SPTBN4: variants seen among roughly 807,000 people sequenced by gnomAD.
The protein encoded by SPTBN4 is spectrin beta, non-erythrocytic 4.
A neutral mutation model predicts 277.8 loss-of-function variants in SPTBN4; 96 were observed. The ratio of observed to expected loss-of-function variants is 0.35; its 90% CI spans 0.29 to 0.41. The LOEUF (loss-of-function observed/expected upper bound fraction) is 0.41. Ranked by LOEUF, SPTBN4 falls within the 10% of genes least tolerant of loss-of-function variation. The pLI is 1.00. For synonymous variants in SPTBN4, 1,481 were observed against 1,580.3 expected, an observed-to-expected ratio of 0.94 and a Z score of 1.49; for missense variants, 3,006 against 3,595.7, an observed-to-expected ratio of 0.84 and a Z score of 4.19.
At chr19:40,477,853 T>C (rs1354202200) in intron 2 of SPTBN4, among the ~76,000 whole-genome samples, 2 of 152,124 alleles carry the variant, frequency 1.3e-5, no homozygotes, top group African/African-American at 2.4e-5. Flanking sequence ...ATCCTTTTTT[T>C]TTGAGACGGA....
At chr19:40,486,282 C>A (rs963089767) in intron 2 of SPTBN4, among the ~76,000 whole-genome samples, 3 of 152,058 alleles carry the variant, frequency 2.0e-5, no homozygotes, top group Non-Finnish European at 4.4e-5. Context: ...CGTAGTGAGA[C>A]CCCCGTCTCA....
intron 20 of SPTBN4, among the ~76,000 whole-genome samples, chr19:40,546,049 CAAA>C (rs35750238): frequency 2.3e-4 from 21 of 91,752 alleles, no homozygotes; most frequent in African/African-American, 4.8e-4. Context: ...GACTCTGCCT[CAAA>C]AAAAAAAAAA....
chr19:40,570,099 A>T lies in SPTBN4; in HGVS notation c.7027-337A>T, dbSNP rs2081139712. Among the ~76,000 whole-genome samples, 6 of 151,108 alleles carry T rather than the reference A, an allele frequency of 4.0e-5. No homozygotes were observed. The South Asian group carries it at 1.3e-3, about 32-fold the overall frequency. ...TTTCTTCAGCTCAGTGGGGTCCCAA[A>T]TTTCTTCATAGCCTCATACACACAC... is the stretch of plus-strand genomic sequence containing the variant. On this transcript the variant is annotated intron_variant, in intron 32 of 35. Coordinates refer to ENST00000598249, the MANE Select transcript of SPTBN4 (RefSeq NM_020971.3).
chr19:40,563,216 A>G (rs1313934555), intron 27 of SPTBN4, among the ~76,000 whole-genome samples: 3 of 151,966 alleles, frequency 2.0e-5, no homozygotes, highest in Non-Finnish European at 4.4e-5. Flanking sequence ...TGTCTTAAAA[A>G]AAAATTTTTT....
intron 18 of SPTBN4, among the ~76,000 whole-genome samples, chr19:40,529,906 C>G (rs2080642749): frequency 1.3e-5 from 2 of 152,130 alleles, no homozygotes; most frequent in African/African-American, 4.8e-5. Context: ...CCCTAAACCC[C>G]TCAGCCTCAA....
chr19:40,494,856 T>C, intron 5 of SPTBN4, 41 bp from the exon 6 acceptor site: 1 of 1,584,914 alleles, frequency 6.3e-7, no homozygotes, highest in Non-Finnish European at 8.7e-7. Context: ...CCCTCCTAAC[T>C]CTCCCCATCT....
intron 17 of SPTBN4, among the ~76,000 whole-genome samples, chr19:40,525,029 GCT>G (rs1368002326): frequency 1.3e-5 from 2 of 151,934 alleles, no homozygotes; most frequent in African/African-American, 4.8e-5. Context: ...CTCCTCTCAG[GCT>G]CTCTGGCTCT....
chr19:40,519,345 T>A lies in SPTBN4; in HGVS notation c.2904-56T>A. 2 of 1,417,000 alleles carry A rather than the reference T, an allele frequency of 1.4e-6. No individual in the cohort carries two copies. The highest frequency in any genetic ancestry group is 1.8e-6 in the Non-Finnish European group (2 of 1,086,286). 87.8% of individuals were successfully genotyped at this position (1,417,000 alleles called of 1,614,324 possible). A position where few individuals can be genotyped will look rare whatever the true frequency, so the allele number is the denominator to read the frequency against. On this transcript the variant is annotated intron_variant, in intron 15 of 35. Transcript: ENST00000598249. The surrounding 1 kb of genome is among the most constrained non-coding windows in gnomAD (Gnocchi z 5.7). ...GATTCTACCCTGGGTCGGCGGGCCC[T>A]CCGCGCCCAAGAGGAGTCCCTGTCC...
chr19:40,483,949 G>A (rs1171138941), intron 2 of SPTBN4, among the ~76,000 whole-genome samples: 1 of 152,084 alleles, frequency 6.6e-6, no homozygotes, highest in Non-Finnish European at 1.5e-5. Context: ...TGGATTCTGG[G>A]GGATCATCGC....
At chr19:40,571,079 G>A (rs2081152446) in intron 33 of SPTBN4, 2 of 234,422 alleles carry the variant, frequency 8.5e-6, no homozygotes, top group Admixed American at 1.1e-4. Context: ...GGAACAGAAG[G>A]AAAATGTTCT....
chr19:40,546,492 G>A (rs549129036), intron 20 of SPTBN4, among the ~76,000 whole-genome samples: 1 of 152,208 alleles, frequency 6.6e-6, no homozygotes, highest in East Asian at 1.9e-4. Flanking sequence ...ATAGCAGTGA[G>A]TGTGACACAG....
In SPTBN4 at chr19:40,478,535, A is replaced by G. The variant is rs186219824; in HGVS notation, c.169+5745A>G. Among the ~76,000 whole-genome samples, 10 of 152,094 alleles carry G rather than the reference A, an allele frequency of 6.6e-5. No individual in the cohort carries two copies. The East Asian group carries it at 1.7e-3, about 26-fold the overall frequency. On this transcript the variant is annotated intron_variant, in intron 2 of 35. Transcript: ENST00000598249. ...GGGCAACAGAGTGAGATCCCACCTT[A>G]AGAAATTTTATTTTATTTTATTTTT...
Position 40,497,531 on chromosome 19 carries a change from C to G in SPTBN4, c.711C>G (p.Ala237=), listed in dbSNP as rs1488914854. 1.4e-5 allele frequency: 22 copies of G among 1,614,182 alleles called. No individual in the cohort carries two copies. Among genetic ancestry groups the G allele is most frequent in the Non-Finnish European group, 1.9e-5 (22 of 1,180,048 alleles). Residue 237 remains alanine (A), a synonymous_variant, in exon 7 of 36, where the codon GCC becomes GCG. Coordinates refer to ENST00000598249, the MANE Select transcript of SPTBN4 (RefSeq NM_020971.3). ...VDFSKLTKSN[A]NYNLQRAFRT... ...TCAGCAAACTCACCAAGTCCAATGC[C>G]AACTACAACCTGCAGAGAGCCTTCC...
chr19:40,559,572 C>T (rs777421925), intron 26 of SPTBN4, among the ~76,000 whole-genome samples: 16 of 152,066 alleles, frequency 1.1e-4, no homozygotes, highest in African/African-American at 2.9e-4. Context: ...CACTTGAGCC[C>T]GGGATGTCAA....
At chr19:40,487,639 G>T (rs957215609) in intron 2 of SPTBN4, 58 bp from the exon 3 acceptor site, 4 of 1,536,764 alleles carry the variant, frequency 2.6e-6, no homozygotes, top group African/African-American at 1.4e-5. Flanking sequence ...GGCTTGGCTC[G>T]CGGAGGGCTG....
chr19:40,554,486 C>T lies in SPTBN4; in HGVS notation c.4954-30C>T. 2.0e-6 allele frequency: 3 copies of T among 1,484,674 alleles called. No homozygotes were observed. The highest frequency in any genetic ancestry group is 2.7e-5 in the South Asian group (2 of 73,800). 92.0% of individuals were successfully genotyped at this position (1,484,674 alleles called of 1,614,324 possible). A position where few individuals can be genotyped will look rare whatever the true frequency, so the allele number is the denominator to read the frequency against. On this transcript the variant is annotated intron_variant, in intron 23 of 35. Transcript: ENST00000598249. The surrounding 1 kb of genome is among the most constrained non-coding windows in gnomAD (Gnocchi z 5.7). Reference sequence around the variant, plus strand: ...CGCTGGAGCCGGGGGCCGCCGCTGCCGCCTCATCGTGGGCGCTTTGTGCCC... The same window carrying T: ...CGCTGGAGCCGGGGGCCGCCGCTGCTGCCTCATCGTGGGCGCTTTGTGCCC...
In SPTBN4 at chr19:40,490,044, C is replaced by T. The variant is rs762568078; in HGVS notation, c.322-31C>T. On this transcript the variant is annotated intron_variant, in intron 3 of 35. Transcript: ENST00000598249. The surrounding 1 kb of genome is among the most constrained non-coding windows in gnomAD (Gnocchi z 4.3). Reference sequence around the variant, plus strand: ...GCGCCATACTCCTGTCTGTCCAGACCCCCGATCGCCCACCGCCCCTGTCGC... The same window carrying T: ...GCGCCATACTCCTGTCTGTCCAGACTCCCGATCGCCCACCGCCCCTGTCGC... 4 of 1,570,556 alleles carry T rather than the reference C, an allele frequency of 2.5e-6. No individual in the cohort carries two copies. Among genetic ancestry groups the T allele is most frequent in the Non-Finnish European group, 2.6e-6 (3 of 1,157,130 alleles).
chr19:40,518,502 G>T (rs1479289700), intron 15 of SPTBN4, among the ~76,000 whole-genome samples: 2 of 151,796 alleles, frequency 1.3e-5, no homozygotes, highest in African/African-American at 4.8e-5. Flanking sequence ...GCACAATCAT[G>T]GCTCACTGCA....
intron 2 of SPTBN4, among the ~76,000 whole-genome samples, chr19:40,481,664 C>T (rs1294547062): frequency 2.6e-5 from 4 of 151,978 alleles, no homozygotes; most frequent in Non-Finnish European, 5.9e-5. Flanking sequence ...TTAGTAGAGA[C>T]GGGGTTTCGC....
Sources: allele counts gnomAD v4.1 joint callset (sites outside exome capture counted in the v4.1 genomes callset), GRCh38; gene constraint gnomAD v4.1.1; non-coding constraint Gnocchi (gnomAD v3.1); transcripts MANE v1.5; gene names NCBI Gene and HGNC (gene_info 2026-07-23, HGNC 2026-07-21).